The following KIF27 variants were observed in gnomAD, a reference collection of about 807,000 sequenced individuals.
The protein encoded by KIF27 is kinesin family member 27, also known as kinesin-like protein KIF27.
A neutral mutation model predicts 141.8 loss-of-function variants in KIF27; 84 were observed. The ratio of observed to expected loss-of-function variants is 0.59; its 90% CI spans 0.50 to 0.71. The LOEUF (loss-of-function observed/expected upper bound fraction) is 0.71, where lower values mean the gene tolerates loss of function less well. Ranked by LOEUF, KIF27 falls within the 30% of genes least tolerant of loss-of-function variation. The pLI is 0.00. For synonymous variants in KIF27, 471 were observed against 569.5 expected, an observed-to-expected ratio of 0.83 and a Z score of 2.46; for missense variants, 1,306 against 1,628.4, an observed-to-expected ratio of 0.80 and a Z score of 3.41.
chr9:83,882,557 C>G (rs1023629900), intron 10 of KIF27, among the ~76,000 whole-genome samples: 3 of 152,196 alleles, frequency 2.0e-5, no homozygotes, highest in Admixed American at 2.0e-4. Flanking sequence ...TAACTACTGT[C>G]CTCCTCATCC....
intron 14 of KIF27, among the ~76,000 whole-genome samples, chr9:83,856,651 G>A (rs13298065): frequency 1.3e-5 from 2 of 150,246 alleles, no homozygotes; most frequent in Non-Finnish European, 2.9e-5. Context: ...TGAGGCAGGG[G>A]AATCGCTTGA....
chr9:83,915,488 T>C lies in KIF27; in HGVS notation c.104A>G (p.Gln35Arg). ...QVCVRVIPNSQQVIIGRDRVF... is the reference protein window; with the variant it reads ...QVCVRVIPNSRQVIIGRDRVF... Reference sequence around the variant, plus strand: ...TCTATCTCTCCCAATGATAACTTGCTGGCTGTTTGGAATAACTCTCACACA... The same window carrying C: ...TCTATCTCTCCCAATGATAACTTGCCGGCTGTTTGGAATAACTCTCACACA... Residue 35 changes from glutamine (Q) to arginine (R), a missense_variant, in exon 2 of 18, where the codon CAG becomes CGG. Physicochemically the swap from Gln to Arg is conservative, Grantham distance 43. This residue lies in a region of KIF27 where 533 missense variants were observed against 565.6 expected (regional missense o/e 0.94). Transcript: ENST00000297814. The C allele has an allele frequency of 6.2e-7, 1 of 1,613,904 alleles. No homozygotes were observed. The highest frequency in any genetic ancestry group is 8.5e-7 in the Non-Finnish European group (1 of 1,179,838).
At chr9:83,889,626 T>C (rs1213913750) in intron 6 of KIF27, among the ~76,000 whole-genome samples, 1 of 151,402 alleles carries the variant, frequency 6.6e-6, no homozygotes, top group Non-Finnish European at 1.5e-5. Flanking sequence ...TCAGAACACC[T>C]GGAGAACTGT....
Position 83,884,030 on chromosome 9 carries a change from T to C in KIF27, c.2240-12A>G. 1.3e-6 allele frequency: 2 copies of C among 1,497,678 alleles called. No homozygotes were observed. The highest frequency in any genetic ancestry group is 1.8e-6 in the Non-Finnish European group (2 of 1,097,924). 92.8% of individuals were successfully genotyped at this position (1,497,678 alleles called of 1,614,324 possible). On this transcript the variant is annotated splice_polypyrimidine_tract_variant and intron_variant, in intron 9 of 17. Coordinates refer to ENST00000297814, the MANE Select transcript of KIF27 (RefSeq NM_017576.4). ...CTTGGCATCATTACCTTAACCGTAATAATAATTATTATTAGTATAAATTAT... is the reference window on the plus strand; with the variant it reads ...CTTGGCATCATTACCTTAACCGTAACAATAATTATTATTAGTATAAATTAT...
At chr9:83,840,723 A>G (rs1403318184) in intron 17 of KIF27, among the ~76,000 whole-genome samples, 1 of 152,214 alleles carries the variant, frequency 6.6e-6, no homozygotes, top group Non-Finnish European at 1.5e-5. Flanking sequence ...AGTTTTAGCT[A>G]TATATAGCAG....
chr9:83,838,136 GA>G (rs538828645), intron 17 of KIF27, among the ~76,000 whole-genome samples: 130 of 152,242 alleles, frequency 8.5e-4, no homozygotes, highest in African/African-American at 2.8e-3. Flanking sequence ...TTGCTTAAGG[GA>G]AATGCATACA....
At chr9:83,864,594 C>T (rs1327114618) in intron 13 of KIF27, among the ~76,000 whole-genome samples, 1 of 152,132 alleles carries the variant, frequency 6.6e-6, no homozygotes, top group East Asian at 1.9e-4. Flanking sequence ...TTACTTCCAA[C>T]TATGTGGTCA....
intron 17 of KIF27, among the ~76,000 whole-genome samples, chr9:83,839,164 C>CT (rs1362862705): frequency 6.6e-6 from 1 of 151,426 alleles, no homozygotes; most frequent in Non-Finnish European, 1.5e-5. Flanking sequence ...GACCCCAACT[C>CT]TAAAAAAAAA....
At chr9:83,899,294 A>T (rs538566143) in intron 5 of KIF27, among the ~76,000 whole-genome samples, 1 of 152,362 alleles carries the variant, frequency 6.6e-6, no homozygotes, top group South Asian at 2.1e-4. Flanking sequence ...GTGTAAGAGG[A>T]TAATTTAATA....
chr9:83,880,370 C>G lies in KIF27; in HGVS notation c.2570G>C (p.Arg857Thr), dbSNP rs754684305. The G allele has an allele frequency of 9.9e-6, 16 of 1,613,514 alleles. No homozygotes were observed. The South Asian group carries it at 1.5e-4, about 16-fold the overall frequency. ...TTTTTCATTTTCTTCTCGTAGTTTT[C>G]TTTGTAGCTGTATCTTTTGATATTT... Reference protein sequence around the residue: ...HMKYQKIQLQRKLREENEKRK... With the variant: ...HMKYQKIQLQTKLREENEKRK... Residue 857 changes from arginine to threonine, a missense_variant, in exon 11 of 18, where the codon AGA becomes ACA. Coordinates refer to ENST00000297814, the MANE Select transcript of KIF27 (RefSeq NM_017576.4).
intron 13 of KIF27, among the ~76,000 whole-genome samples, chr9:83,860,885 T>C (rs1393992806): frequency 6.8e-6 from 1 of 147,160 alleles, no homozygotes; most frequent in Non-Finnish European, 1.5e-5. Context: ...GATGGGAGAT[T>C]TTTTTTTTTT....
intron 10 of KIF27, among the ~76,000 whole-genome samples, chr9:83,881,000 G>A (rs1951634924): frequency 6.6e-6 from 1 of 151,828 alleles, no homozygotes; most frequent in Non-Finnish European, 1.5e-5. Context: ...TATCTCAGAG[G>A]TCTTTTCATA....
In KIF27 at chr9:83,867,695, T is replaced by A; in HGVS notation, c.2923A>T (p.Arg975Ter). 3 of 1,603,954 alleles carry A rather than the reference T, an allele frequency of 1.9e-6. No homozygotes were observed. The highest frequency in any genetic ancestry group is 2.5e-6 in the Non-Finnish European group (3 of 1,177,328). ...EKSHLENKKLRSSQALNTDSL... is the reference protein window; with the variant it reads ...EKSHLENKKL The stretch of plus-strand genomic sequence containing the variant: ...ATTAAACAGAATACCTGACTAGATC[T>A]CAATTTCTTATTTTCCAGGTGACTC... The change falls in exon 13 of 18, where the codon AGA becomes TGA. Residue 975 changes from arginine to a stop codon, truncating the protein, a stop_gained. Transcript: ENST00000297814. LOFTEE classifies it high-confidence loss of function.
intron 5 of KIF27, among the ~76,000 whole-genome samples, chr9:83,897,331 G>A (rs1374313610): frequency 6.6e-6 from 1 of 152,132 alleles, no homozygotes; most frequent in Non-Finnish European, 1.5e-5. Context: ...AATGGACCTT[G>A]ATTTATGATA....
At chr9:83,900,700 C>T (rs529645664) in intron 4 of KIF27, among the ~76,000 whole-genome samples, 3 of 151,894 alleles carry the variant, frequency 2.0e-5, no homozygotes, top group East Asian at 3.9e-4. Context: ...TATCAATCAA[C>T]GAATGGATAA....
intron 14 of KIF27, among the ~76,000 whole-genome samples, chr9:83,854,809 T>C (rs556674308): frequency 2.0e-5 from 3 of 152,316 alleles, no homozygotes; most frequent in African/African-American, 7.2e-5. Context: ...CATATACCCA[T>C]ACCTATTGTG....
At chr9:83,842,874 T>G (rs554478082) in intron 16 of KIF27, among the ~76,000 whole-genome samples, 1 of 152,298 alleles carries the variant, frequency 6.6e-6, no homozygotes, top group Admixed American at 6.5e-5. Flanking sequence ...TTTGGATTTT[T>G]CTGCCTGTAA....
At position 83,899,730 on chromosome 9, in the gene KIF27, C is replaced by G; in HGVS notation, c.1533G>C (p.Gln511His). Reference sequence around the variant, plus strand: ...GCCCTTTGTTTTCCTGTACCATCATCTGCACTTGATTCTTCAGTTCCTTCA... The same window carrying G: ...GCCCTTTGTTTTCCTGTACCATCATGTGCACTTGATTCTTCAGTTCCTTCA... ...LEVKELKNQV[Q>H]MMVQENKGHA... Residue 511 changes from glutamine to histidine, a missense_variant, in exon 5 of 18, where the codon CAG becomes CAC. Transcript: ENST00000297814. 1 of 1,613,492 alleles carries G rather than the reference C, an allele frequency of 6.2e-7. No individual in the cohort carries two copies. The highest frequency in any genetic ancestry group is 8.5e-7 in the Non-Finnish European group (1 of 1,179,498).
chr9:83,896,432 A>G (rs1172252998), intron 5 of KIF27, among the ~76,000 whole-genome samples: 2 of 152,226 alleles, frequency 1.3e-5, no homozygotes, highest in East Asian at 1.9e-4. Flanking sequence ...ACCAACAATT[A>G]GGGAATTTGA....
Sources: gnomAD v4.1 joint callset for allele counts (sites outside exome capture counted in the v4.1 genomes callset) on GRCh38, gnomAD v4.1.1 for gene constraint, gnomAD v4.1.1 regional missense constraint, MANE v1.5 for transcripts, NCBI Gene and HGNC (gene_info 2026-07-23, HGNC 2026-07-21) for gene names.